CNMD: variants seen among roughly 807,000 people sequenced by gnomAD.
The protein encoded by CNMD is chondromodulin.
CNMD carries 30 observed loss-of-function variants against 37.5 expected under a neutral mutation model. The observed-to-expected ratio is 0.80, with a 90% CI of 0.60 to 1.09. CNMD has a LOEUF of 1.09. Ranked by LOEUF, CNMD falls within the 50% of genes least tolerant of loss-of-function variation. The pLI is 0.00. For synonymous variants in CNMD, 167 were observed against 148.2 expected, an observed-to-expected ratio of 1.13 and a Z score of -0.92; for missense variants, 398 against 423.9, an observed-to-expected ratio of 0.94 and a Z score of 0.54.
In CNMD at chr13:52,733,373, T is replaced by A; in HGVS notation, c.214-14A>T. ...GACATTGTAAATCTGAAAGTGAGCA[T>A]AAGAGTTAGTGATGCTTTCTTTTTT... On this transcript the variant is annotated splice_polypyrimidine_tract_variant and intron_variant, in intron 2 of 6. Coordinates refer to ENST00000377962, the MANE Select transcript of CNMD (RefSeq NM_007015.3). 1 of 1,613,656 alleles carries A rather than the reference T, an allele frequency of 6.2e-7. No homozygotes were observed. Among genetic ancestry groups the A allele is most frequent in the African/African-American group, 1.3e-5 (1 of 75,054 alleles).
chr13:52,703,761 C>T lies in CNMD; in HGVS notation c.839G>A (p.Gly280Glu), dbSNP rs765293200. ...MTFDPRLDHE[G>E]ICCIECRRSY... is the part of the protein sequence containing the mutation. ...CCGCCTACATTCTATACAACAGATT[C>T]CTTCGTGATCCAGTCTAGGGTCGAA... is the stretch of plus-strand genomic sequence containing the variant. The change falls in exon 7 of 7, where the codon GGA (glycine) becomes GAA (glutamate). Residue 280 changes from glycine to glutamate, a missense_variant. By Grantham distance (98) the Gly-to-Glu change is moderately conservative. Coordinates refer to ENST00000377962, the MANE Select transcript of CNMD (RefSeq NM_007015.3). The T allele has an allele frequency of 1.3e-5, 21 of 1,614,046 alleles. No individual in the cohort carries two copies. The highest frequency in any genetic ancestry group is 1.7e-5 in the Non-Finnish European group (20 of 1,179,896).
chr13:52,718,079 A>G (rs1964420313), intron 4 of CNMD, among the ~76,000 whole-genome samples: 1 of 152,042 alleles, frequency 6.6e-6, no homozygotes, highest in African/African-American at 2.4e-5. Flanking sequence ...GGGAGGGTGT[A>G]TGTGTCCAGG....
chr13:52,716,730 A>G (rs1356639146), intron 4 of CNMD, among the ~76,000 whole-genome samples: 1 of 152,190 alleles, frequency 6.6e-6, no homozygotes, highest in Non-Finnish European at 1.5e-5. Context: ...TACCAGTACC[A>G]TGCTGTTTTG....
At position 52,724,094 on chromosome 13, in the gene CNMD, C is replaced by A. The variant is rs775957396; in HGVS notation, c.371G>T (p.Arg124Leu). The change falls in exon 4 of 7, where the codon CGT becomes CTT. Residue 124 changes from arginine (R) to leucine (L), a missense_variant. Physicochemically the swap from Arg to Leu is moderately radical, Grantham distance 102 (BLOSUM62 -2). Coordinates refer to ENST00000377962, the MANE Select transcript of CNMD (RefSeq NM_007015.3). ...NDFQNGITGI[R>L]FAGGEKCYIK... ...GTAGCACTTCTCTCCTCCAGCAAAA[C>A]GAATTCCTGTGATGCCCTATGAAAC... 4 of 1,613,494 alleles carry A rather than the reference C, an allele frequency of 2.5e-6. No individual in the cohort carries two copies. The highest frequency in any genetic ancestry group is 2.7e-5 in the African/African-American group (2 of 74,884).
At position 52,724,734 on chromosome 13, in the gene CNMD, TA is replaced by T. The variant is rs35182699; in HGVS notation, c.355-625del. On this transcript the variant is annotated intron_variant, in intron 3 of 6. Coordinates refer to ENST00000377962, the MANE Select transcript of CNMD (RefSeq NM_007015.3). ...CACCATGGTGAAACCTTGTCTCTACTAAAAATACAAAAATTAGCCGGGTGTG... is the reference window on the plus strand; with the variant it reads ...CACCATGGTGAAACCTTGTCTCTACTAAAATACAAAAATTAGCCGGGTGTG... Among the ~76,000 whole-genome samples, 795 of 146,690 alleles carry T rather than the reference TA, an allele frequency of 5.4e-3. 29 individuals carry two copies. Among genetic ancestry groups the T allele is most frequent in the Admixed American group, 0.046 (688 of 14,804 alleles).
At chr13:52,706,103 C>A (rs1027940060) in intron 6 of CNMD, among the ~76,000 whole-genome samples, 1 of 152,146 alleles carries the variant, frequency 6.6e-6, no homozygotes, top group African/African-American at 2.4e-5. Flanking sequence ...CATAGAAAAA[C>A]GTGCAAATGA....
intron 3 of CNMD, among the ~76,000 whole-genome samples, chr13:52,725,402 C>G (rs1440712922): frequency 6.6e-6 from 1 of 152,002 alleles, no homozygotes; most frequent in African/African-American, 2.4e-5. Context: ...CTGAACTTTC[C>G]TTCTATACCT....
At chr13:52,707,415 TC>T (rs1447374781) in intron 6 of CNMD, among the ~76,000 whole-genome samples, 3 of 147,924 alleles carry the variant, frequency 2.0e-5, no homozygotes, top group African/African-American at 4.9e-5. Context: ...AGATGACACC[TC>T]GTGTCATCCT....
chr13:52,726,454 A>C (rs1311188768), intron 3 of CNMD, among the ~76,000 whole-genome samples: 1 of 152,064 alleles, frequency 6.6e-6, no homozygotes, highest in Non-Finnish European at 1.5e-5. Context: ...CTTCATTAAC[A>C]ACCACACCTT....
chr13:52,717,754 T>C (rs1964414209), intron 4 of CNMD, among the ~76,000 whole-genome samples: 2 of 152,198 alleles, frequency 1.3e-5, no homozygotes, highest in Admixed American at 6.5e-5. Flanking sequence ...CAGTATTTTA[T>C]TGAGGATTTT....
intron 4 of CNMD, among the ~76,000 whole-genome samples, chr13:52,721,472 A>C (rs1964480563): frequency 6.6e-6 from 1 of 152,236 alleles, no homozygotes; most frequent in African/African-American, 2.4e-5. Context: ...ACCATGGGAA[A>C]AGCATAGTAT....
At chr13:52,726,587 C>T (rs1039254885) in intron 3 of CNMD, among the ~76,000 whole-genome samples, 1 of 149,256 alleles carries the variant, frequency 6.7e-6, no homozygotes, top group Non-Finnish European at 1.5e-5. Context: ...ACCTAACCAA[C>T]ACCAAAAGTC....
intron 5 of CNMD, among the ~76,000 whole-genome samples, chr13:52,709,278 T>C (rs1964251420): frequency 6.6e-6 from 1 of 152,148 alleles, no homozygotes; most frequent in African/African-American, 2.4e-5. Context: ...AAATGGTAAC[T>C]GGAAAGAGAC....
chr13:52,704,432 T>G (rs1164120491), intron 6 of CNMD, among the ~76,000 whole-genome samples: 2 of 139,246 alleles, frequency 1.4e-5, no homozygotes, highest in Non-Finnish European at 3.1e-5. Flanking sequence ...TTCAAGGCCT[T>G]AAACTTTGCC....
intron 2 of CNMD, among the ~76,000 whole-genome samples, chr13:52,734,362 G>A (rs1164505955): frequency 6.6e-6 from 1 of 152,164 alleles, no homozygotes; most frequent in African/African-American, 2.4e-5. Flanking sequence ...TCTGTCTTAT[G>A]TGTTGCATTT....
Position 52,722,984 on chromosome 13 carries a change from G to A in CNMD, c.468+1013C>T, listed in dbSNP as rs529726924. Among the ~76,000 whole-genome samples the A allele has an allele frequency of 2.5e-4, 38 of 152,324 alleles. 1 individual carries two copies. In the South Asian group the frequency reaches 7.2e-3, roughly 29 times the overall value. ...TGGCTGGTGTTGGGGTGGGGGATGA[G>A]TGCCCTGTGGCTGCTTTCCAGCAGA... On this transcript the variant is annotated intron_variant, in intron 4 of 6. Coordinates refer to ENST00000377962, the MANE Select transcript of CNMD (RefSeq NM_007015.3).
intron 6 of CNMD, among the ~76,000 whole-genome samples, chr13:52,704,994 G>T: frequency 6.6e-6 from 1 of 152,024 alleles, no homozygotes; most frequent in East Asian, 1.9e-4. Flanking sequence ...GGAGGTGGAG[G>T]TTGCAGTGAG....
intron 4 of CNMD, among the ~76,000 whole-genome samples, chr13:52,723,590 T>C (rs1027837688): frequency 2.2e-4 from 33 of 152,190 alleles, no homozygotes; most frequent in Non-Finnish European, 2.5e-4. Context: ...AGAAATCGAA[T>C]TTACCATCTA....
At chr13:52,715,537 G>A (rs1964362103) in intron 4 of CNMD, among the ~76,000 whole-genome samples, 1 of 152,084 alleles carries the variant, frequency 6.6e-6, no homozygotes, top group South Asian at 2.1e-4. Context: ...GGTGTGTGAT[G>A]TTCCCCTCCC....
Sources: allele counts gnomAD v4.1 joint callset (sites outside exome capture counted in the v4.1 genomes callset), GRCh38; gene constraint gnomAD v4.1.1; transcripts MANE v1.5; gene names NCBI Gene and HGNC (gene_info 2026-07-23, HGNC 2026-07-21).